Variants in NFATC2 observed in about 807,000 individuals in gnomAD.
NFATC2 encodes nuclear factor of activated T-cells, cytoplasmic 2.
Under a neutral mutation model 87.3 loss-of-function variants are expected in NFATC2, and 22 were observed. That is an observed-to-expected ratio of 0.25 (90% CI 0.18 to 0.36). NFATC2 has a LOEUF of 0.36. Ranked by LOEUF, NFATC2 falls within the 10% of genes least tolerant of loss-of-function variation. The pLI is 1.00. For missense variants in NFATC2, 1,149 were observed against 1,259.1 expected (o/e 0.91, Z 1.32); for synonymous variants, 565 against 542.2 (o/e 1.04, Z -0.58).
intron 3 of NFATC2, among the ~76,000 whole-genome samples, chr20:51,491,184 A>T (rs2075876656): frequency 6.6e-6 from 1 of 152,016 alleles, no homozygotes; most frequent in Non-Finnish European, 1.5e-5. Context: ...CAGGGCACAA[A>T]TTTTTAACCT....
chr20:51,505,058 G>C lies in NFATC2; in HGVS notation c.1332+11726C>G, dbSNP rs367657518. 4.9e-5 allele frequency among the ~76,000 whole-genome samples: 6 copies of C among 121,302 alleles called. 1 individual carries two copies. In the South Asian group the frequency reaches 1.1e-3, roughly 23 times the overall value. The allele number at this position is 121,302 out of a possible 152,430, so 79.6% of individuals were successfully genotyped here. A position where few individuals can be genotyped will look rare whatever the true frequency, so the allele number is the denominator to read the frequency against. ...AGACGGAGTCTCGCTCTGTCACCCA[G>C]GCTGGAGTGCAGTGGTGCGGTCTCA... On this transcript the variant is annotated intron_variant, in intron 3 of 10. Transcript: ENST00000371564.
intron 5 of NFATC2, among the ~76,000 whole-genome samples, 176 bp from the exon 6 acceptor site, chr20:51,454,864 G>C (rs1986232571): frequency 6.6e-6 from 1 of 152,178 alleles, no homozygotes; most frequent in Admixed American, 6.5e-5. Context: ...GTTATGCCTT[G>C]TGAAAGTGCT....
At chr20:51,529,579 C>T (rs746787497) in intron 1 of NFATC2, among the ~76,000 whole-genome samples, 1 of 152,154 alleles carries the variant, frequency 6.6e-6, no homozygotes. Flanking sequence ...ACAGTCATCA[C>T]GATGCCCGCA....
At chr20:51,532,203 G>A (rs948902723) in intron 1 of NFATC2, among the ~76,000 whole-genome samples, 7 of 152,088 alleles carry the variant, frequency 4.6e-5, no homozygotes, top group Admixed American at 6.6e-5. Flanking sequence ...AGCTGATATC[G>A]TTTCCCCATT....
intron 3 of NFATC2, among the ~76,000 whole-genome samples, chr20:51,493,413 T>C (rs2075932699): frequency 6.6e-6 from 1 of 152,160 alleles, no homozygotes; most frequent in African/African-American, 2.4e-5. Context: ...CGACCTCACA[T>C]TGCAACTGAG....
chr20:51,499,985 C>G (rs6096448), intron 3 of NFATC2, among the ~76,000 whole-genome samples: 3 of 152,218 alleles, frequency 2.0e-5, no homozygotes, highest in Non-Finnish European at 4.4e-5. Flanking sequence ...TGATCTGAGT[C>G]GTGGCTCTGC....
chr20:51,470,108 C>T (rs1473808184), intron 5 of NFATC2, among the ~76,000 whole-genome samples: 1 of 152,156 alleles, frequency 6.6e-6, no homozygotes, highest in Non-Finnish European at 1.5e-5. Context: ...CAGGCCCTTG[C>T]AGCTGCTGTC....
At chr20:51,404,593 G>A (rs1988373989) in intron 9 of NFATC2, among the ~76,000 whole-genome samples, 1 of 152,244 alleles carries the variant, frequency 6.6e-6, no homozygotes, top group Non-Finnish European at 1.5e-5. Context: ...GCAGCAGTGT[G>A]TCTCAGCCCT....
chr20:51,507,674 A>G (rs1304015644), intron 3 of NFATC2, among the ~76,000 whole-genome samples: 1 of 152,190 alleles, frequency 6.6e-6, no homozygotes, highest in Non-Finnish European at 1.5e-5. Context: ...CAAACCCTAG[A>G]GCTGCCTCAC....
chr20:51,407,182 C>T (rs532767201), intron 9 of NFATC2, among the ~76,000 whole-genome samples: 1 of 152,326 alleles, frequency 6.6e-6, no homozygotes, highest in South Asian at 2.1e-4. Flanking sequence ...GGAGGGCTCT[C>T]TTGATAAGAC....
chr20:51,477,535 CTATATATATATATATATATATATATA>C (rs11467129), intron 3 of NFATC2, among the ~76,000 whole-genome samples: 8 of 72,726 alleles, frequency 1.1e-4, no homozygotes, highest in South Asian at 5.2e-4. Flanking sequence ...GTGTGTGTGT[CTATATATATATATATATATATATATA>C]TATATATATA....
intron 1 of NFATC2, among the ~76,000 whole-genome samples, chr20:51,550,701 C>T (rs2076925876): frequency 6.6e-6 from 1 of 152,166 alleles, no homozygotes; most frequent in African/African-American, 2.4e-5. Context: ...AGAACATTTA[C>T]AGTCACCTAC....
chr20:51,530,696 AC>A (rs2146755739), intron 1 of NFATC2, among the ~76,000 whole-genome samples: 1 of 152,280 alleles, frequency 6.6e-6, no homozygotes, highest in South Asian at 2.1e-4. Context: ...CATGTCACGC[AC>A]ATGCTGTTCC....
At chr20:51,466,057 C>A (rs1339312345) in intron 5 of NFATC2, among the ~76,000 whole-genome samples, 2 of 151,960 alleles carry the variant, frequency 1.3e-5, no homozygotes, top group East Asian at 1.9e-4. Flanking sequence ...CTCCCTAATT[C>A]TTTTGTTTGT....
At chr20:51,486,020 G>A (rs1989683009) in intron 3 of NFATC2, among the ~76,000 whole-genome samples, 1 of 152,060 alleles carries the variant, frequency 6.6e-6, no homozygotes, top group African/African-American at 2.4e-5. Context: ...AGACCAGCCT[G>A]GCCAACATGG....
chr20:51,561,203 T>C (rs1324582296), intron 1 of NFATC2, among the ~76,000 whole-genome samples: 1 of 152,040 alleles, frequency 6.6e-6, no homozygotes, highest in East Asian at 1.9e-4. Context: ...GTTAAAACGT[T>C]CGAAGTCCTG....
Position 51,523,082 on chromosome 20 carries a change from T to C in NFATC2, c.1159A>G (p.Ser387Gly). The change falls in exon 2 of 11, where the codon AGC (serine) becomes GGC (glycine). Residue 387 changes from serine (S) to glycine (G), a missense_variant and splice_region_variant. Ser to Gly is a moderately conservative substitution (Grantham distance 56). This residue lies in a region of NFATC2 where 563 missense variants were observed against 585.2 expected (regional missense o/e 0.96). Coordinates refer to ENST00000371564, the MANE Select transcript of NFATC2 (RefSeq NM_012340.5). This position sits in a 1 kb window ranked among gnomAD's most constrained non-coding sequence, Gnocchi z 6.9. ...AATCATTTTCAAAGCCCTGCTCACCTGCAGATGGGAATGGCAGGCACCAGC... is the reference window on the plus strand; with the variant it reads ...AATCATTTTCAAAGCCCTGCTCACCCGCAGATGGGAATGGCAGGCACCAGC... ...KPLVPAIPICSIPVTASLPPL... is the reference protein window; with the variant it reads ...KPLVPAIPICGIPVTASLPPL... The C allele has an allele frequency of 6.2e-7, 1 of 1,614,202 alleles. No homozygotes were observed. Among genetic ancestry groups the C allele is most frequent in the Non-Finnish European group, 8.5e-7 (1 of 1,180,034 alleles).
intron 3 of NFATC2, among the ~76,000 whole-genome samples, chr20:51,484,736 A>G (rs1989566192): frequency 6.6e-6 from 1 of 152,180 alleles, no homozygotes; most frequent in East Asian, 1.9e-4. Context: ...GGCACGACTC[A>G]GCTGGTTGGA....
intron 3 of NFATC2, among the ~76,000 whole-genome samples, chr20:51,500,015 T>C (rs1161335937): frequency 1.3e-5 from 2 of 152,180 alleles, no homozygotes; most frequent in South Asian, 2.1e-4. Flanking sequence ...TGCTGTATTA[T>C]CTTTATATTA....
Sources: gnomAD v4.1 joint callset for allele counts (sites outside exome capture counted in the v4.1 genomes callset) on GRCh38, gnomAD v4.1.1 for gene constraint, gnomAD v4.1.1 regional missense constraint, Gnocchi (gnomAD v3.1) non-coding constraint, MANE v1.5 for transcripts, NCBI Gene and HGNC (gene_info 2026-07-23, HGNC 2026-07-21) for gene names.